The following MYO3A variants were observed in gnomAD, a reference collection of about 807,000 sequenced individuals.
MYO3A encodes myosin IIIA.
A neutral mutation model predicts 192.7 loss-of-function variants in MYO3A; 180 were observed. The ratio of observed to expected loss-of-function variants is 0.93; its 90% confidence interval spans 0.83 to 1.06. The LOEUF is 1.06. Ranked by LOEUF, MYO3A falls within the 50% of genes least tolerant of loss-of-function variation. The pLI is 0.00. For missense variants in MYO3A, 1,896 were observed against 1,905.0 expected, an observed-to-expected ratio of 1.00 and a Z score of 0.09; for synonymous variants, 628 against 645.3, an observed-to-expected ratio of 0.97 and a Z score of 0.41.
intron 17 of MYO3A, among the ~76,000 whole-genome samples, chr10:26,110,872 T>TC (rs1554826579): frequency 1.3e-5 from 2 of 149,424 alleles, no homozygotes; most frequent in African/African-American, 4.9e-5. Context: ...TTCTTTTCTT[T>TC]TTTTTTTTTT....
At chr10:26,194,580 TAA>T (rs747589166) in intron 32 of MYO3A, among the ~76,000 whole-genome samples, 20 of 152,182 alleles carry the variant, frequency 1.3e-4, no homozygotes, top group Non-Finnish European at 2.8e-4. Flanking sequence ...CAGTTAGAAA[TAA>T]GTTTCCCACC....
intron 15 of MYO3A, among the ~76,000 whole-genome samples, chr10:26,089,257 C>T (rs149252564): frequency 1.2e-3 from 177 of 152,150 alleles, no homozygotes; most frequent in African/African-American, 3.2e-3. Flanking sequence ...ATAGAAGTTG[C>T]CTGGAGTCCA....
chr10:26,021,570 T>C lies in MYO3A; in HGVS notation c.653T>C (p.Ile218Thr). The C allele has an allele frequency of 6.2e-7, 1 of 1,614,128 alleles. No homozygotes were observed. The highest frequency in any genetic ancestry group is 1.1e-5 in the South Asian group (1 of 91,082). Residue 218 changes from isoleucine (I) to threonine (T), a missense_variant, in exon 8 of 35, where the codon ATC becomes ACC. By Grantham distance (89) the Ile-to-Thr change is moderately conservative (BLOSUM62 -1). Coordinates refer to ENST00000642920, the MANE Select transcript of MYO3A (RefSeq NM_017433.5). ...DARCDTWSLG[I>T]TAIELGDGDP... ...AGATGTGACACTTGGTCCCTGGGTA[T>C]CACGGCCATTGAGCTGGGTGATGGA...
intron 8 of MYO3A, 52 bp downstream of exon 8, chr10:26,021,700 A>G: frequency 6.2e-7 from 1 of 1,602,826 alleles, no homozygotes; most frequent in Non-Finnish European, 8.5e-7. Context: ...TACTTCCTCC[A>G]GCCACCAAGT....
intron 29 of MYO3A, 115 bp from the exon 30 acceptor site, chr10:26,173,548 C>A (rs966948704): frequency 1.2e-5 from 11 of 925,902 alleles, no homozygotes; most frequent in Non-Finnish European, 1.8e-5. Context: ...TAATTTTGAG[C>A]TTTCTTTGTT....
intron 17 of MYO3A, among the ~76,000 whole-genome samples, chr10:26,117,493 T>C (rs1326378569): frequency 1.3e-5 from 2 of 152,138 alleles, no homozygotes; most frequent in Admixed American, 1.3e-4. Flanking sequence ...CCACACCTCC[T>C]ACTGTCCAAC....
At chr10:26,009,935 G>A (rs1841513927) in intron 6 of MYO3A, among the ~76,000 whole-genome samples, 2 of 152,086 alleles carry the variant, frequency 1.3e-5, no homozygotes, top group Non-Finnish European at 2.9e-5. Flanking sequence ...ATAAGACAAG[G>A]TATCAGTGAT....
Position 26,145,740 on chromosome 10 carries a change from C to T in MYO3A, c.2505+206C>T, listed in dbSNP as rs74699977. ...TAGCCACTCACTATGGAGGCCAGAC[C>T]CACTCCAGGGCATGCGCTTCTAGCA... On this transcript the variant is annotated intron_variant, in intron 22 of 34. Coordinates refer to ENST00000642920, the MANE Select transcript of MYO3A (RefSeq NM_017433.5). Among the ~76,000 whole-genome samples the T allele has an allele frequency of 3.9e-3, 594 of 152,280 alleles. 1 individual carries two copies. Among genetic ancestry groups the T allele is most frequent in the Non-Finnish European group, 7.0e-3 (475 of 68,022 alleles).
At chr10:26,101,328 G>A (rs1207376127) in intron 17 of MYO3A, among the ~76,000 whole-genome samples, 2 of 152,168 alleles carry the variant, frequency 1.3e-5, no homozygotes, top group African/African-American at 4.8e-5. Flanking sequence ...ACAGCACACT[G>A]ATGGGTCTTG....
At chr10:26,004,631 T>C (rs1324600808) in intron 6 of MYO3A, among the ~76,000 whole-genome samples, 1 of 151,968 alleles carries the variant, frequency 6.6e-6, no homozygotes, top group Admixed American at 6.6e-5. Context: ...TAGGGCTCCA[T>C]GAGATGACCC....
chr10:26,024,426 A>G (rs1842450257), intron 9 of MYO3A, among the ~76,000 whole-genome samples: 1 of 152,064 alleles, frequency 6.6e-6, no homozygotes, highest in Admixed American at 6.6e-5. Flanking sequence ...ATCCATCTTT[A>G]TCCTCTGTGC....
intron 17 of MYO3A, among the ~76,000 whole-genome samples, chr10:26,110,865 TTTTC>T (rs1564559684): frequency 6.7e-6 from 1 of 148,702 alleles, no homozygotes; most frequent in East Asian, 1.9e-4. Flanking sequence ...TTGGGTTTTC[TTTTC>T]TTTTTTTTTT....
At chr10:26,193,334 C>G in intron 32 of MYO3A, 23 bp downstream of exon 32, 1 of 1,545,282 alleles carries the variant, frequency 6.5e-7, no homozygotes, top group Non-Finnish European at 8.9e-7. Flanking sequence ...CTCTTACTAT[C>G]AGATGGGAGC....
intron 23 of MYO3A, among the ~76,000 whole-genome samples, chr10:26,150,955 G>A (rs1840758804): frequency 6.6e-6 from 1 of 152,040 alleles, no homozygotes; most frequent in Non-Finnish European, 1.5e-5. Context: ...ATTTATAAGA[G>A]TTTATAAGGT....
At chr10:26,007,000 G>A (rs1243075391) in intron 6 of MYO3A, among the ~76,000 whole-genome samples, 7 of 146,044 alleles carry the variant, frequency 4.8e-5, no homozygotes, top group African/African-American at 8.0e-5. Context: ...CTGGCAAACC[G>A]AATCCAGCAG....
At chr10:26,057,115 A>G (rs971275837) in intron 10 of MYO3A, among the ~76,000 whole-genome samples, 11 of 152,244 alleles carry the variant, frequency 7.2e-5, no homozygotes, top group African/African-American at 2.7e-4. Flanking sequence ...CAAGAGGCTG[A>G]TAGCAGTGCT....
chr10:26,050,392 A>T lies in MYO3A; in HGVS notation c.954-16583A>T, dbSNP rs1843918857. Among the ~76,000 whole-genome samples, 2 of 152,192 alleles carry T rather than the reference A, an allele frequency of 1.3e-5. 1 individual carries two copies. Among genetic ancestry groups the T allele is most frequent in the East Asian group, 3.9e-4 (2 of 5,194 alleles). The stretch of plus-strand genomic sequence containing the variant: ...ATCAACCTTCCTAGCCATTAACCAG[A>T]TTATTTTCCTGTAATGGTGTTTGTC... On this transcript the variant is annotated intron_variant, in intron 10 of 34. Coordinates refer to ENST00000642920, the MANE Select transcript of MYO3A (RefSeq NM_017433.5).
intron 14 of MYO3A, among the ~76,000 whole-genome samples, chr10:26,079,551 T>C (rs7073081): frequency 0.48 from 72,870 of 151,940 alleles, 18,189 homozygotes; most frequent in Middle Eastern, 0.59. Flanking sequence ...TGTTTGTTGC[T>C]CGTGTACTTT....
chr10:26,078,231 G>T (rs1162346624), intron 14 of MYO3A, among the ~76,000 whole-genome samples: 1 of 151,236 alleles, frequency 6.6e-6, no homozygotes, highest in Admixed American at 6.6e-5. Flanking sequence ...AAGCTACAAG[G>T]GTTGTATTTT....
Sources: allele counts gnomAD v4.1 joint callset (sites outside exome capture counted in the v4.1 genomes callset), GRCh38; gene constraint gnomAD v4.1.1; transcripts MANE v1.5; gene names NCBI Gene and HGNC (gene_info 2026-07-23, HGNC 2026-07-21).